Variants in FAM120B observed in about 807,000 individuals in gnomAD.
The protein encoded by FAM120B is constitutive coactivator of peroxisome proliferator-activated receptor gamma.
FAM120B carries 83 observed loss-of-function variants against 96.3 expected under a neutral mutation model. The ratio of observed to expected loss-of-function variants is 0.86; its 90% confidence interval spans 0.72 to 1.03. The LOEUF is 1.03. FAM120B is among the 50% of genes least tolerant of loss of function. FAM120B has a pLI of 0.00. For synonymous variants in FAM120B, 407 were observed against 402.7 expected (o/e 1.01, Z -0.13); for missense variants, 1,027 against 1,121.2 (o/e 0.92, Z 1.20).
intron 6 of FAM120B, among the ~76,000 whole-genome samples, chr6:170,369,595 C>A (rs961155427): frequency 6.6e-6 from 1 of 151,926 alleles, no homozygotes; most frequent in African/African-American, 2.4e-5. Flanking sequence ...CAGGTGTTGC[C>A]AGCAGTGCTG....
chr6:170,349,440 A>C (rs994156681), intron 5 of FAM120B, among the ~76,000 whole-genome samples: 2 of 152,250 alleles, frequency 1.3e-5, no homozygotes. Context: ...TCTCAAGGGA[A>C]TCTTGGACTG....
chr6:170,337,397 G>A (rs1336902660), intron 4 of FAM120B, among the ~76,000 whole-genome samples: 1 of 152,174 alleles, frequency 6.6e-6, no homozygotes, highest in Non-Finnish European at 1.5e-5. Context: ...GATCGTGGTG[G>A]ATAAATTTTT....
chr6:170,358,660 C>T (rs1788133094), intron 6 of FAM120B, among the ~76,000 whole-genome samples: 1 of 152,222 alleles, frequency 6.6e-6, no homozygotes, highest in South Asian at 2.1e-4. Flanking sequence ...GCCTGCCTCC[C>T]AGATGGCTGC....
intron 9 of FAM120B, 70 bp downstream of exon 9, chr6:170,395,649 A>G (rs1170223585): frequency 1.8e-6 from 2 of 1,095,238 alleles, no homozygotes; most frequent in African/African-American, 1.6e-5. Context: ...GCTTTTGCTG[A>G]TAACTGCCTT....
intron 5 of FAM120B, among the ~76,000 whole-genome samples, chr6:170,356,800 A>G (rs1382457422): frequency 6.6e-6 from 1 of 152,346 alleles, no homozygotes; most frequent in Middle Eastern, 3.4e-3. Context: ...CCAGTTAACA[A>G]CAGCCACAAA....
In FAM120B at chr6:170,348,218, C is replaced by CA. The variant is rs1787334063; in HGVS notation, c.2086dup (p.Thr696AsnfsTer68). 2.5e-6 allele frequency: 4 copies of CA among 1,614,048 alleles called. No homozygotes were observed. The highest frequency in any genetic ancestry group is 2.5e-6 in the Non-Finnish European group (3 of 1,179,952). On this transcript the variant is annotated frameshift_variant, in exon 5 of 11. Coordinates refer to ENST00000476287, the MANE Select transcript of FAM120B (RefSeq NM_032448.3). LOFTEE classifies it high-confidence loss of function. ...CAGAAATACAGGTTCGGCGCTTGGA[C>CA]ACACTCCTAGCCTGTTTCAATCTTT...
intron 4 of FAM120B, among the ~76,000 whole-genome samples, chr6:170,337,924 T>C (rs1214539243): frequency 1.3e-5 from 2 of 152,206 alleles, no homozygotes; most frequent in Non-Finnish European, 2.9e-5. Context: ...CTCTGTTTTC[T>C]TATTAGTCTG....
At chr6:170,361,381 G>T (rs1472721116) in intron 6 of FAM120B, among the ~76,000 whole-genome samples, 2 of 151,276 alleles carry the variant, frequency 1.3e-5, no homozygotes, top group East Asian at 1.9e-4. Context: ...AAGAATACAA[G>T]AACCCTTAAC....
In FAM120B at chr6:170,333,349, G is replaced by A. The variant is rs989388552; in HGVS notation, c.2017+2799G>A. ...ACCAGGAAGCGGGGCCTCACCAGAA[G>A]CCAACCATGCTGGCACCTTGATCTT... is the stretch of plus-strand genomic sequence containing the variant. On this transcript the variant is annotated intron_variant, in intron 4 of 10. Transcript: ENST00000476287. Among the ~76,000 whole-genome samples, 3 of 152,198 alleles carry A rather than the reference G, an allele frequency of 2.0e-5. No individual in the cohort carries two copies. The South Asian group carries it at 6.2e-4, about 32-fold the overall frequency.
chr6:170,340,034 C>G (rs530593137), intron 4 of FAM120B, among the ~76,000 whole-genome samples: 1 of 152,100 alleles, frequency 6.6e-6, no homozygotes, highest in Non-Finnish European at 1.5e-5. Context: ...GAATGTTGGT[C>G]TATCTTGTTA....
intron 6 of FAM120B, among the ~76,000 whole-genome samples, chr6:170,379,035 T>C (rs1789749555): frequency 1.3e-5 from 2 of 152,172 alleles, no homozygotes; most frequent in African/African-American, 4.8e-5. Flanking sequence ...CTGGCGTTTA[T>C]GCTGAGGGAA....
Position 170,317,676 on chromosome 6 carries a change from G to T in FAM120B, c.286G>T (p.Asp96Tyr), listed in dbSNP as rs372177611. 1.9e-6 allele frequency: 3 copies of T among 1,614,060 alleles called. No homozygotes were observed. In the African/African-American group the frequency reaches 4.0e-5, roughly 22 times the overall value. Residue 96 changes from aspartate to tyrosine, a missense_variant, in exon 2 of 11, where the codon GAT (aspartate) becomes TAT (tyrosine). Transcript: ENST00000476287. ...CTTCTTTGATGGCATGGTGGAGCAGGATAAGAGAGATGAATGGGTGAAACG... is the reference window on the plus strand; with the variant it reads ...CTTCTTTGATGGCATGGTGGAGCAGTATAAGAGAGATGAATGGGTGAAACG... ...IFFFDGMVEQ[D>Y]KRDEWVKRRL...
rs535578630 is a variant in FAM120B at position 170,335,546 on chromosome 6, A to T, written c.2017+4996A>T. 1.6e-4 allele frequency among the ~76,000 whole-genome samples: 24 copies of T among 152,282 alleles called. 1 individual carries two copies. In the South Asian group the frequency reaches 4.1e-3, roughly 26 times the overall value. On this transcript the variant is annotated intron_variant, in intron 4 of 10. Coordinates refer to ENST00000476287, the MANE Select transcript of FAM120B (RefSeq NM_032448.3). ...GTGCATGTGTCTTTATAGTAGAAAG[A>T]TTTATACCTTTGGGTATATACCTAG... is the stretch of plus-strand genomic sequence containing the variant.
At chr6:170,367,401 T>C (rs781583879) in intron 6 of FAM120B, among the ~76,000 whole-genome samples, 2 of 152,378 alleles carry the variant, frequency 1.3e-5, no homozygotes, top group Admixed American at 1.3e-4. Flanking sequence ...CAAATTTCTA[T>C]GTCCGAAATG....
Position 170,295,877 on chromosome 6 carries a change from C to G in FAM120B, c.48+424C>G, listed in dbSNP as rs1197497002. 2.0e-5 allele frequency among the ~76,000 whole-genome samples: 3 copies of G among 152,194 alleles called. No individual in the cohort carries two copies. The highest frequency in any genetic ancestry group is 3.9e-4 in the East Asian group (2 of 5,132). ...GAGCCCGGGGCCGAGGCCAGGCCCG[C>G]TGCGAGCAGCGGAGGCATGTGCTGA... On this transcript the variant is annotated intron_variant, in intron 1 of 10. Transcript: ENST00000537664. The surrounding 1 kb of genome is among the most constrained non-coding windows in gnomAD (Gnocchi z 7.8).
chr6:170,380,376 G>A (rs1291564090), intron 6 of FAM120B, among the ~76,000 whole-genome samples: 1 of 152,174 alleles, frequency 6.6e-6, no homozygotes, highest in African/African-American at 2.4e-5. Flanking sequence ...CTACAAGTGA[G>A]ATTGCTGGGT....
intron 6 of FAM120B, among the ~76,000 whole-genome samples, chr6:170,385,314 A>T (rs1417761868): frequency 6.6e-6 from 1 of 152,228 alleles, no homozygotes; most frequent in African/African-American, 2.4e-5. Context: ...AATGTGTGGG[A>T]TGAAGCTGAA....
chr6:170,398,817 G>C (rs1583317536), intron 9 of FAM120B, among the ~76,000 whole-genome samples: 1 of 151,720 alleles, frequency 6.6e-6, no homozygotes, highest in African/African-American at 2.4e-5. Flanking sequence ...ACTCTTAGGA[G>C]TGAGTGGGGA....
chr6:170,404,597 T>C lies in FAM120B; in HGVS notation c.*7T>C. 1 of 1,612,108 alleles carries C rather than the reference T, an allele frequency of 6.2e-7. No individual in the cohort carries two copies. ...CCAGTGGAGAAGGTACTAGTCAACC[T>C]CCAGGTAAGTTCATCACCTGCATCT... On this transcript the variant is annotated 3_prime_UTR_variant, in exon 10 of 11. Coordinates refer to ENST00000476287, the MANE Select transcript of FAM120B (RefSeq NM_032448.3).
Sources: gnomAD v4.1 joint callset for allele counts (sites outside exome capture counted in the v4.1 genomes callset) on GRCh38, gnomAD v4.1.1 for gene constraint, Gnocchi (gnomAD v3.1) non-coding constraint, MANE v1.5 for transcripts, NCBI Gene and HGNC (gene_info 2026-07-23, HGNC 2026-07-21) for gene names.